CELF2: variants seen among roughly 807,000 people sequenced by gnomAD.
CELF2 encodes the protein CUGBP Elav-like family member 2, also known as CUG triplet repeat RNA-binding protein 2.
Under a neutral mutation model 62.6 loss-of-function variants are expected in CELF2, and 8 were observed. The observed-to-expected ratio is 0.13, with a 90% CI of 0.07 to 0.23. The LOEUF is 0.23. Among genes scored for constraint, CELF2 ranks in the 10% least tolerant of loss-of-function variants. The probability of loss-of-function intolerance (pLI) is 1.00; values close to 1 mark genes in which losing one functional copy is unlikely to be tolerated. For missense variants in CELF2, 333 were observed against 671.0 expected (o/e 0.50, Z 5.56); for synonymous variants, 258 against 250.0 (o/e 1.03, Z -0.30).
At chr10:10,944,992 G>A (rs762339757) in intron 2 of CELF2, among the ~76,000 whole-genome samples, 16 of 152,130 alleles carry the variant, frequency 1.1e-4, no homozygotes, top group Admixed American at 2.0e-4. Flanking sequence ...CCCTGAGAAG[G>A]CAAGAGGGCA....
At chr10:11,096,336 A>G (rs2049865090) in intron 1 of CELF2, 1 of 152,212 alleles carries the variant, frequency 6.6e-6, no homozygotes, top group Non-Finnish European at 1.5e-5. Context: ...AACAGAGGGA[A>G]GGGAGTCCGT....
intron 2 of CELF2, among the ~76,000 whole-genome samples, chr10:10,988,738 G>A (rs921787123): frequency 6.6e-6 from 1 of 152,064 alleles, no homozygotes; most frequent in Non-Finnish European, 1.5e-5. Context: ...GAATACAGAG[G>A]AACTTTTAAA....
At chr10:10,794,825 A>G (rs1220092613), upstream of CELF2, 1 of 152,184 alleles carries the variant, frequency 6.6e-6, no homozygotes, top group Non-Finnish European at 1.5e-5. Flanking sequence ...ATCCTCAACC[A>G]CATGAAAGCC....
At chr10:10,851,046 T>A (rs2059353771) in intron 1 of CELF2, among the ~76,000 whole-genome samples, 1 of 152,160 alleles carries the variant, frequency 6.6e-6, no homozygotes, top group African/African-American at 2.4e-5. Context: ...CTTCAAGTGA[T>A]CCATCTGCCT....
intron 1 of CELF2, among the ~76,000 whole-genome samples, chr10:10,906,695 CCTTT>C (rs2063362720): frequency 6.7e-6 from 1 of 149,942 alleles, no homozygotes; most frequent in African/African-American, 2.5e-5. Flanking sequence ...CCAGAACATA[CCTTT>C]CTTTTTCTTT....
At chr10:11,029,390 G>C (rs2059762647) in intron 1 of CELF2, among the ~76,000 whole-genome samples, 1 of 152,226 alleles carries the variant, frequency 6.6e-6, no homozygotes. Flanking sequence ...CAAGTGACTT[G>C]ATGCCCTAGA....
intron 1 of CELF2, among the ~76,000 whole-genome samples, chr10:10,918,325 T>C (rs1305997928): frequency 1.3e-5 from 2 of 152,220 alleles, no homozygotes; most frequent in Admixed American, 1.3e-4. Flanking sequence ...CATGAACATG[T>C]GTGACACATT....
chr10:10,621,687 G>A, the CELF2 span, among the ~76,000 whole-genome samples: 1 of 152,156 alleles, frequency 6.6e-6, no homozygotes, highest in Non-Finnish European at 1.5e-5. Context: ...AAACGAAGGA[G>A]CAGAGACAAG....
upstream of CELF2, among the ~76,000 whole-genome samples, chr10:11,003,834 C>A (rs2054770061): frequency 6.6e-6 from 1 of 151,844 alleles, no homozygotes; most frequent in African/African-American, 2.4e-5. This position sits in a 1 kb window ranked among gnomAD's most constrained non-coding sequence, Gnocchi z 4.4. Context: ...TAGAATGAAG[C>A]AAGAATATGT....
intron 1 of CELF2, among the ~76,000 whole-genome samples, chr10:11,082,771 G>T (rs2074363360): frequency 6.6e-6 from 1 of 152,132 alleles, no homozygotes; most frequent in South Asian, 2.1e-4. Flanking sequence ...CATGCTTTAT[G>T]GCCTGCTTGC....
chr10:11,012,931 C>T (rs1216407115), upstream of CELF2, among the ~76,000 whole-genome samples: 2 of 152,026 alleles, frequency 1.3e-5, no homozygotes, highest in Non-Finnish European at 2.9e-5. This position sits in a 1 kb window ranked among gnomAD's most constrained non-coding sequence, Gnocchi z 5.5. Flanking sequence ...AACAGGGAAG[C>T]CTTTTTCTTC....
chr10:11,272,565 G>A (rs1386500635), intron 7 of CELF2, among the ~76,000 whole-genome samples: 3 of 152,212 alleles, frequency 2.0e-5, no homozygotes. Context: ...AGAAATCTCC[G>A]GCACATGTTT....
rs186483595 is a variant in CELF2 at position 11,052,136 on chromosome 10, A to G, written c.74+33973A>G. Among the ~76,000 whole-genome samples the G allele has an allele frequency of 3.7e-4, 57 of 152,206 alleles. 2 individuals carry two copies. In the East Asian group the frequency reaches 0.011, roughly 28 times the overall value. On this transcript the variant is annotated intron_variant, in intron 1 of 12. Transcript: ENST00000633077. ...TAATTAGCTGGGCATGGTGTTAGCC[A>G]TGTTGTCTAGGCTGGTCTTGAATTC...
intron 1 of CELF2, among the ~76,000 whole-genome samples, chr10:10,914,354 G>A (rs550382702): frequency 1.5e-4 from 23 of 152,238 alleles, no homozygotes; most frequent in African/African-American, 5.5e-4. Flanking sequence ...AGAACTGCTC[G>A]CATAGTTCAG....
At chr10:11,209,165 A>G (rs1293514872) in intron 2 of CELF2, among the ~76,000 whole-genome samples, 2 of 152,158 alleles carry the variant, frequency 1.3e-5, no homozygotes, top group Non-Finnish European at 2.9e-5. Flanking sequence ...CATCAAACAC[A>G]GGGGAGCCAC....
chr10:10,537,451 A>G, the CELF2 span, among the ~76,000 whole-genome samples: 1 of 152,226 alleles, frequency 6.6e-6, no homozygotes, highest in Non-Finnish European at 1.5e-5. Context: ...GCCCCAGGGC[A>G]GGAGCCCAAA....
chr10:10,824,795 A>G (rs1487393731), intron 1 of CELF2, among the ~76,000 whole-genome samples: 1 of 152,204 alleles, frequency 6.6e-6, no homozygotes, highest in African/African-American at 2.4e-5. Context: ...CATATTTAGA[A>G]CAATGAATTG....
chr10:11,241,549 T>C (rs1052386706), intron 3 of CELF2, among the ~76,000 whole-genome samples: 7 of 152,238 alleles, frequency 4.6e-5, no homozygotes, highest in African/African-American at 1.7e-4. Flanking sequence ...TGTATTCTTT[T>C]AGAGATGTCC....
At chr10:10,624,855 A>G in the CELF2 span, among the ~76,000 whole-genome samples, 16,206 of 152,214 alleles carry the variant, frequency 0.11, 1,508 homozygotes, top group African/African-American at 0.25. Context: ...AGGGGACAAG[A>G]AACAGATTCA....
Sources: gnomAD v4.1 joint callset for allele counts (sites outside exome capture counted in the v4.1 genomes callset) on GRCh38, gnomAD v4.1.1 for gene constraint, Gnocchi (gnomAD v3.1) non-coding constraint, MANE v1.5 for transcripts, NCBI Gene and HGNC (gene_info 2026-07-23, HGNC 2026-07-21) for gene names.